ZNF254: variants seen among roughly 807,000 people sequenced by gnomAD.
ZNF254 encodes the protein CTD-2017D11.1.
Under a neutral mutation model 12.4 loss-of-function variants are expected in ZNF254, and 10 were observed. That is an observed-to-expected ratio of 0.80 (90% CI 0.50 to 1.36). The LOEUF is 1.36. Among genes scored for constraint, ZNF254 ranks in the 40% most tolerant of loss-of-function variants. The pLI, the probability that ZNF254 is intolerant of heterozygous loss-of-function variation, is 0.00. For synonymous variants in ZNF254, 305 were observed against 253.4 expected, an observed-to-expected ratio of 1.20 and a Z score of -1.93; for missense variants, 996 against 763.9, an observed-to-expected ratio of 1.30 and a Z score of -3.58.
upstream of ZNF254, among the ~76,000 whole-genome samples, chr19:24,085,978 G>GGGT (rs1276096666): frequency 6.6e-6 from 1 of 151,860 alleles, no homozygotes; most frequent in East Asian, 2.0e-4. Context: ...AGGCTGAGGC[G>GGGT]GGTGGATTAC....
At chr19:24,050,882 A>G (rs575005679) in intron 2 of ZNF254, among the ~76,000 whole-genome samples, 22 of 151,540 alleles carry the variant, frequency 1.5e-4, no homozygotes, top group African/African-American at 4.9e-4. Context: ...TTATGTTTTC[A>G]GTAGAGATGG....
In ZNF254 at chr19:24,072,124, C is replaced by G. The variant is rs1401090795; in HGVS notation, c.-94+25845C>G. Among the ~76,000 whole-genome samples the G allele has an allele frequency of 4.0e-5, 6 of 151,834 alleles. No homozygotes were observed. The East Asian group carries it at 9.9e-4, about 25-fold the overall frequency. ...ATAAAGGGGGGATTGTGACATATCA[C>G]TGGACCCAGCATCTGGTGGTACCAG... On this transcript the variant is annotated intron_variant, in intron 2 of 4. Transcript: ENST00000613065.
chr19:24,059,969 C>T (rs560498787), intron 2 of ZNF254, among the ~76,000 whole-genome samples: 3 of 152,178 alleles, frequency 2.0e-5, no homozygotes, highest in Admixed American at 2.0e-4. Context: ...CTCTTCTCTT[C>T]TACCTGCATT....
chr19:24,039,351 T>C (rs1225162465), intron 1 of ZNF254, among the ~76,000 whole-genome samples: 6 of 152,250 alleles, frequency 3.9e-5, no homozygotes, highest in African/African-American at 1.4e-4. Context: ...TCCAGAGCCA[T>C]GAATGCATGA....
intron 1 of ZNF254, among the ~76,000 whole-genome samples, chr19:24,100,238 G>C (rs1445575902): frequency 6.6e-6 from 1 of 151,778 alleles, no homozygotes; most frequent in Non-Finnish European, 1.5e-5. Flanking sequence ...GTAACAGTGT[G>C]CATTGAGTAG....
intron 1 of ZNF254, chr19:24,098,528 T>C (rs995663310): frequency 2.0e-5 from 3 of 152,252 alleles, no homozygotes; most frequent in African/African-American, 7.2e-5. Context: ...AAAATTCCAA[T>C]GATAATATGC....
chr19:24,126,676 AC>A lies in ZNF254; in HGVS notation c.677del (p.Thr226IlefsTer33). ...GKTFNWSSTLTNHRKIYTEEK... is the reference protein window; with the variant it reads ...GKTFNWSSTLXNHRKIYTEEK... Reference sequence around the variant, plus strand: ...AACCTTTAATTGGTCCTCAACCCTTACTAATCATAGGAAAATTTATACTGAA... The same window carrying A: ...AACCTTTAATTGGTCCTCAACCCTTATAATCATAGGAAAATTTATACTGAA... On this transcript the variant is annotated frameshift_variant, in exon 4 of 4. Coordinates refer to ENST00000357002, the MANE Select transcript of ZNF254 (RefSeq NM_203282.4). LOFTEE classifies it low-confidence loss of function (END_TRUNC). The A allele has an allele frequency of 6.2e-7, 1 of 1,613,266 alleles. No homozygotes were observed. Among genetic ancestry groups the A allele is most frequent in the Non-Finnish European group, 8.5e-7 (1 of 1,179,704 alleles).
chr19:24,103,119 T>G (rs1973129669), intron 1 of ZNF254, among the ~76,000 whole-genome samples: 1 of 152,230 alleles, frequency 6.6e-6, no homozygotes. Flanking sequence ...CTCAGAAAAT[T>G]GCTGCTTTCT....
At chr19:24,120,423 TCA>T (rs1974396579) in intron 3 of ZNF254, among the ~76,000 whole-genome samples, 1 of 152,140 alleles carries the variant, frequency 6.6e-6, no homozygotes, top group Non-Finnish European at 1.5e-5. Context: ...TCTGTATTTT[TCA>T]GTTTATTAAT....
chr19:24,060,869 C>T (rs907329463), intron 2 of ZNF254, among the ~76,000 whole-genome samples: 1 of 152,170 alleles, frequency 6.6e-6, no homozygotes, highest in Non-Finnish European at 1.5e-5. Context: ...TACTCAGCAC[C>T]TTGATTATGT....
At chr19:24,094,232 C>T (rs1346500307) in intron 1 of ZNF254, among the ~76,000 whole-genome samples, 1 of 152,056 alleles carries the variant, frequency 6.6e-6, no homozygotes, top group African/African-American at 2.4e-5. Context: ...AGTTTGACTT[C>T]CTCTCTTCCT....
chr19:24,113,525 T>G (rs1057140895), intron 3 of ZNF254, among the ~76,000 whole-genome samples: 3 of 152,146 alleles, frequency 2.0e-5, no homozygotes, highest in Admixed American at 1.3e-4. Context: ...GGTATTGATG[T>G]GACGTATCTC....
At chr19:24,098,988 C>CCTTTT (rs1972834557) in intron 1 of ZNF254, 2 of 74,768 alleles carry the variant, frequency 2.7e-5, no homozygotes, top group African/African-American at 1.3e-4. Context: ...AGGCTTCGCT[C>CCTTTT]TTTTTTTTTT....
intron 2 of ZNF254, among the ~76,000 whole-genome samples, chr19:24,075,268 G>A (rs1971617426): frequency 6.6e-6 from 1 of 152,066 alleles, no homozygotes; most frequent in Non-Finnish European, 1.5e-5. Flanking sequence ...AACACCTAGG[G>A]AACAGACTGC....
intron 1 of ZNF254, among the ~76,000 whole-genome samples, chr19:24,099,982 C>T (rs2145753910): frequency 1.3e-5 from 2 of 152,272 alleles, no homozygotes; most frequent in East Asian, 3.9e-4. Flanking sequence ...GGGACTTTCC[C>T]TCTTAGTCTT....
At chr19:24,098,736 T>C (rs1972816204) in intron 1 of ZNF254, 1 of 152,178 alleles carries the variant, frequency 6.6e-6, no homozygotes, top group South Asian at 2.1e-4. Context: ...TGTTTTTCTT[T>C]TGAATGCTTT....
At chr19:24,068,058 G>T (rs1004907022) in intron 2 of ZNF254, among the ~76,000 whole-genome samples, 1 of 152,182 alleles carries the variant, frequency 6.6e-6, no homozygotes, top group Admixed American at 6.5e-5. Context: ...GACATTAGGG[G>T]ATGAGAGGCT....
upstream of ZNF254, among the ~76,000 whole-genome samples, chr19:24,084,000 AAAAT>A (rs967193507): frequency 6.6e-6 from 1 of 151,990 alleles, no homozygotes; most frequent in Admixed American, 6.6e-5. Flanking sequence ...TACATGGTGA[AAAAT>A]AAGTCATTAT....
At chr19:24,046,992 T>C (rs1271529687) in intron 2 of ZNF254, among the ~76,000 whole-genome samples, 1 of 151,914 alleles carries the variant, frequency 6.6e-6, no homozygotes, top group Non-Finnish European at 1.5e-5. Flanking sequence ...AGCCTCTGAA[T>C]AGCTGGGATT....
Sources: gnomAD v4.1 joint callset for allele counts (sites outside exome capture counted in the v4.1 genomes callset) on GRCh38, gnomAD v4.1.1 for gene constraint, MANE v1.5 for transcripts, NCBI Gene and HGNC (gene_info 2026-07-23, HGNC 2026-07-21) for gene names.